Variants in IPO9 observed in about 807,000 individuals in gnomAD.
IPO9 encodes the protein importin 9, also known as importin-9.
Under a neutral mutation model 128.6 loss-of-function variants are expected in IPO9, and 28 were observed. The ratio of observed to expected loss-of-function variants is 0.22; its 90% CI spans 0.16 to 0.30. The LOEUF is 0.30. IPO9 is among the 10% of genes least tolerant of loss of function. The pLI, the probability that IPO9 is intolerant of heterozygous loss-of-function variation, is 1.00. For missense variants in IPO9, 935 were observed against 1,293.9 expected (o/e 0.72, Z 4.26); for synonymous variants, 455 against 475.8 (o/e 0.96, Z 0.57).
intron 13 of IPO9, among the ~76,000 whole-genome samples, chr1:201,861,069 G>A (rs1680436519): frequency 6.6e-6 from 1 of 152,192 alleles, no homozygotes; most frequent in African/African-American, 2.4e-5. Flanking sequence ...AGGAGGCTGA[G>A]GTAGAGGAAT....
intron 1 of IPO9, among the ~76,000 whole-genome samples, chr1:201,840,366 T>A (rs1387459818): frequency 6.6e-6 from 1 of 152,174 alleles, no homozygotes; most frequent in East Asian, 1.9e-4. Context: ...CCACCACACC[T>A]GGCCAAAAAA....
rs1680782903 is a variant in IPO9 at position 201,877,309 on chromosome 1, T to C, written c.*1255T>C. 6.6e-6 allele frequency: 1 copy of C among 152,194 alleles called. No homozygotes were observed. The highest frequency in any genetic ancestry group is 2.4e-5 in the African/African-American group (1 of 41,434). The allele number at this position is 152,194 out of a possible 1,614,324, so 9.4% of individuals were successfully genotyped here. On this transcript the variant is annotated 3_prime_UTR_variant, in exon 24 of 24. Transcript: ENST00000361565. ...TGAGATCAGGAGTTTGAGGCTAGCC[T>C]GGCCAACACAGTGAAACCTGCATTT...
chr1:201,832,067 A>G (rs552067811), intron 1 of IPO9, among the ~76,000 whole-genome samples: 1 of 150,930 alleles, frequency 6.6e-6, no homozygotes, highest in Non-Finnish European at 1.5e-5. Context: ...ATGCCTGGCT[A>G]ATTTTTGTAT....
chr1:201,866,478 A>AG (rs1252995727), intron 14 of IPO9, among the ~76,000 whole-genome samples: 1 of 360 alleles, frequency 2.8e-3, no homozygotes, highest in Admixed American at 0.083. Context: ...TTCAGGATGC[A>AG]AAAAAAAAAA....
chr1:201,856,972 C>T, intron 10 of IPO9, 124 bp from the exon 11 acceptor site: 1 of 711,292 alleles, frequency 1.4e-6, no homozygotes, highest in Non-Finnish European at 2.5e-6. Flanking sequence ...CAGTTGTGAG[C>T]CATTGCATCC....
At chr1:201,869,464 A>C in intron 16 of IPO9, 126 bp from the exon 17 acceptor site, 1 of 1,135,032 alleles carries the variant, frequency 8.8e-7, no homozygotes, top group Non-Finnish European at 1.3e-6. Flanking sequence ...TTATTTTGGA[A>C]ACTTGCCTTT....
intron 1 of IPO9, among the ~76,000 whole-genome samples, chr1:201,833,709 G>C (rs1216491623): frequency 1.3e-5 from 2 of 152,214 alleles, no homozygotes; most frequent in Non-Finnish European, 2.9e-5. Flanking sequence ...CCTGAATTGA[G>C]AAGAACATTG....
chr1:201,873,913 G>A (rs1185474342), intron 20 of IPO9, among the ~76,000 whole-genome samples: 2 of 152,192 alleles, frequency 1.3e-5, no homozygotes, highest in East Asian at 3.8e-4. Context: ...TATCTTTAAT[G>A]TAGATTTATA....
At chr1:201,864,309 G>A (rs934932845) in intron 14 of IPO9, among the ~76,000 whole-genome samples, 1 of 152,194 alleles carries the variant, frequency 6.6e-6, no homozygotes, top group African/African-American at 2.4e-5. Flanking sequence ...AATGGTTAAT[G>A]TTATGACCAT....
At chr1:201,852,470 A>G (rs1043410829) in intron 5 of IPO9, among the ~76,000 whole-genome samples, 7 of 152,184 alleles carry the variant, frequency 4.6e-5, no homozygotes, top group African/African-American at 1.7e-4. Context: ...CCTTCATGCT[A>G]CTTCCAGCCT....
chr1:201,874,338 C>T lies in IPO9; in HGVS notation c.2799C>T (p.Ala933=), dbSNP rs375467339. The T allele has an allele frequency of 2.3e-5, 37 of 1,613,916 alleles. No homozygotes were observed. The highest frequency in any genetic ancestry group is 3.0e-5 in the Non-Finnish European group (35 of 1,179,976). The change falls in exon 21 of 24, where the codon GCC becomes GCT. Residue 933 remains alanine (A), a synonymous_variant. Coordinates refer to ENST00000361565, the MANE Select transcript of IPO9 (RefSeq NM_018085.5). ...NELSNVMEAN[A]ARQATPAEWS... ...TCTCCAACGTCATGGAGGCTAATGC[C>T]GCTCGCCAGGCCACTCCTGCAGAGT... is the stretch of plus-strand genomic sequence containing the variant.
chr1:201,848,211 G>A (rs1680154396), intron 3 of IPO9, among the ~76,000 whole-genome samples, 182 bp from the exon 4 acceptor site: 1 of 152,174 alleles, frequency 6.6e-6, no homozygotes, highest in Non-Finnish European at 1.5e-5. Context: ...GTAATGGACT[G>A]CATAAGTTTA....
chr1:201,863,849 A>G (rs907461102), intron 14 of IPO9, among the ~76,000 whole-genome samples: 12 of 152,192 alleles, frequency 7.9e-5, no homozygotes, highest in Non-Finnish European at 1.8e-4. Context: ...GGAATCATCT[A>G]GGCAACTCCC....
At position 201,880,939 on chromosome 1, in the gene IPO9, C is replaced by A. The variant is rs1467226344; in HGVS notation, c.*4885C>A. On this transcript the variant is annotated 3_prime_UTR_variant, in exon 24 of 24. Transcript: ENST00000361565. ...CCAACTGTAAGCTAATGTAAGTGAT[C>A]TGAGTAGGTTTAAGGTAGCCTAGGT... The A allele has an allele frequency of 6.6e-6, 1 of 152,202 alleles. No individual in the cohort carries two copies. The highest frequency in any genetic ancestry group is 1.5e-5 in the Non-Finnish European group (1 of 68,046). 9.4% of individuals were successfully genotyped at this position (152,202 alleles called of 1,614,324 possible).
In IPO9 at chr1:201,857,202, T is replaced by G. The variant is rs374455988; in HGVS notation, c.1221+8T>G. The G allele has an allele frequency of 7.2e-6, 11 of 1,526,104 alleles. No homozygotes were observed. In the African/African-American group the frequency reaches 1.4e-4, roughly 19 times the overall value. 94.5% of individuals were successfully genotyped at this position (1,526,104 alleles called of 1,614,324 possible). On this transcript the variant is annotated splice_region_variant and intron_variant, in intron 11 of 23. Coordinates refer to ENST00000361565, the MANE Select transcript of IPO9 (RefSeq NM_018085.5). Reference sequence around the variant, plus strand: ...GCTCAAGACTTGTTGCTGGTAAGTTTACCTTGATACTTCAGCCACATAATT... The same window carrying G: ...GCTCAAGACTTGTTGCTGGTAAGTTGACCTTGATACTTCAGCCACATAATT...
chr1:201,859,054 G>T lies in IPO9; in HGVS notation c.1468+60G>T. The T allele has an allele frequency of 1.9e-6, 3 of 1,555,968 alleles. No homozygotes were observed. The South Asian group carries it at 3.5e-5, about 18-fold the overall frequency. ...CTTTAAACCTGTTGTGGGGTTGGGG[G>T]AGGGATCAGCATTAGGAGATATACC... On this transcript the variant is annotated intron_variant, in intron 13 of 23. Transcript: ENST00000361565.
intron 10 of IPO9, 91 bp downstream of exon 10, chr1:201,856,025 C>T: frequency 1.1e-6 from 1 of 888,162 alleles, no homozygotes; most frequent in Non-Finnish European, 1.6e-6. Flanking sequence ...CACTTTATTT[C>T]TAAAAATAGA....
chr1:201,836,346 A>G (rs796957003), intron 1 of IPO9, among the ~76,000 whole-genome samples: 10 of 152,302 alleles, frequency 6.6e-5, no homozygotes, highest in African/African-American at 2.4e-4. Flanking sequence ...GAGCTTTAGA[A>G]TTATTTTCTG....
chr1:201,854,368 T>C (rs746136110), intron 6 of IPO9, among the ~76,000 whole-genome samples: 3 of 152,244 alleles, frequency 2.0e-5, no homozygotes, highest in Non-Finnish European at 4.4e-5. Flanking sequence ...AAAGTTGGTC[T>C]TACATAATAG....
Sources: allele counts gnomAD v4.1 joint callset (sites outside exome capture counted in the v4.1 genomes callset), GRCh38; gene constraint gnomAD v4.1.1; transcripts MANE v1.5; gene names NCBI Gene and HGNC (gene_info 2026-07-23, HGNC 2026-07-21).